FRMPD4: variants seen among roughly 807,000 people sequenced by gnomAD.
The protein encoded by FRMPD4 is FERM and PDZ domain containing 4.
A neutral mutation model predicts 94.1 loss-of-function variants in FRMPD4; 22 were observed. The ratio of observed to expected loss-of-function variants is 0.23; its 90% CI spans 0.17 to 0.33. The LOEUF (loss-of-function observed/expected upper bound fraction) is 0.33. FRMPD4 is among the 10% of genes least tolerant of loss of function. The pLI is 1.00. For missense variants in FRMPD4, 1,111 were observed against 1,339.9 expected (o/e 0.83, Z 2.67); for synonymous variants, 631 against 548.6 (o/e 1.15, Z -2.10).
intron 3 of FRMPD4, among the ~76,000 whole-genome samples, chrX:11,995,908 G>T (rs1420635329): frequency 1.8e-5 from 2 of 112,173 alleles, no homozygotes; most frequent in Non-Finnish European, 3.8e-5. Flanking sequence ...GCGTTAGGAC[G>T]TGGCTGAAAT....
chrX:12,016,661 T>C (rs1313537357), intron 3 of FRMPD4, among the ~76,000 whole-genome samples: 1 of 112,418 alleles, frequency 8.9e-6, no homozygotes, highest in Admixed American at 9.4e-5. Flanking sequence ...AAATAATTTT[T>C]CCATACTTAA....
intron 2 of FRMPD4, among the ~76,000 whole-genome samples, chrX:11,872,952 G>A (rs2053763081): frequency 8.9e-6 from 1 of 112,275 alleles, no homozygotes; most frequent in Admixed American, 9.4e-5. Context: ...ATATGGTGTA[G>A]CCACTGTGGA....
chrX:12,347,800 T>G (rs1190148345), intron 1 of FRMPD4, among the ~76,000 whole-genome samples: 1 of 111,738 alleles, frequency 8.9e-6, no homozygotes, highest in Non-Finnish European at 1.9e-5. Flanking sequence ...TTTTTAAATA[T>G]TACAGTGAAA....
At chrX:12,560,717 C>CCCTA (rs2058646690) in intron 2 of FRMPD4, among the ~76,000 whole-genome samples, 1 of 99,640 alleles carries the variant, frequency 1.0e-5, no homozygotes, top group Admixed American at 1.1e-4. Context: ...TAAGGGTTCT[C>CCCTA]CCTAGTGTAT....
intron 1 of FRMPD4, among the ~76,000 whole-genome samples, chrX:11,848,942 G>A (rs766311932): frequency 1.8e-5 from 2 of 111,527 alleles, no homozygotes; most frequent in Admixed American, 9.6e-5. Flanking sequence ...ATATAGTACT[G>A]GGAGTCCTAG....
At chrX:12,191,274 G>A (rs1338458603) in intron 1 of FRMPD4, among the ~76,000 whole-genome samples, 1 of 111,821 alleles carries the variant, frequency 8.9e-6, no homozygotes, top group Admixed American at 9.5e-5. Context: ...GGAGCAACAG[G>A]AACTTTCGTT....
At chrX:11,980,297 CCTT>C (rs1305870537) in intron 3 of FRMPD4, among the ~76,000 whole-genome samples, 1 of 111,230 alleles carries the variant, frequency 9.0e-6, no homozygotes, top group Non-Finnish European at 1.9e-5. Flanking sequence ...ACGTTTAAGG[CCTT>C]CTTTTTTCCT....
intron 3 of FRMPD4, among the ~76,000 whole-genome samples, chrX:12,611,784 G>A (rs1453124407): frequency 2.7e-5 from 3 of 111,318 alleles, no homozygotes; most frequent in Non-Finnish European, 5.7e-5. Flanking sequence ...ATTAAATGTA[G>A]ATCATATTTT....
intron 2 of FRMPD4, among the ~76,000 whole-genome samples, chrX:12,507,946 C>G (rs937666428): frequency 1.8e-5 from 2 of 111,681 alleles, no homozygotes; most frequent in African/African-American, 6.5e-5. Context: ...GGGAGGGGTA[C>G]AGAGGACAGG....
Position 12,193,752 on chromosome X carries a change from CAGAA to C in FRMPD4, c.41+54759_41+54762del, listed in dbSNP as rs775933381. 5.1e-3 allele frequency among the ~76,000 whole-genome samples: 84 copies of C among 16,491 alleles called. 7 individuals are homozygous for C. Among genetic ancestry groups the C allele is most frequent in the Non-Finnish European group, 5.6e-3 (62 of 11,027 alleles). The allele number at this position is 16,491 out of a possible 115,157, so 14.3% of individuals were successfully genotyped here. A position where few individuals can be genotyped will look rare whatever the true frequency, so the allele number is the denominator to read the frequency against. On this transcript the variant is annotated intron_variant, in intron 1 of 16. Transcript: ENST00000675598. ...AGGTCTGTGAATTATCCGAAAGAAACAGAAAGAAAGAAAGAAAGAAAGGAAGGAA... is the reference window on the plus strand; with the variant it reads ...AGGTCTGTGAATTATCCGAAAGAAACAGAAAGAAAGAAAGAAAGGAAGGAA...
intron 1 of FRMPD4, among the ~76,000 whole-genome samples, chrX:12,497,878 G>T (rs2057869197): frequency 9.0e-6 from 1 of 111,036 alleles, no homozygotes; most frequent in South Asian, 3.8e-4. Context: ...TTGGATGTTT[G>T]CTGCGGAAGA....
At chrX:11,965,215 C>T (rs932728770) in intron 3 of FRMPD4, among the ~76,000 whole-genome samples, 8 of 112,241 alleles carry the variant, frequency 7.1e-5, no homozygotes, top group African/African-American at 1.9e-4. Flanking sequence ...AGGCATTATT[C>T]TGCCTACCAC....
At position 12,561,494 on chromosome X, in the gene FRMPD4, C is replaced by T. The variant is rs188918386; in HGVS notation, c.159-48227C>T. Among the ~76,000 whole-genome samples the T allele has an allele frequency of 1.2e-4, 13 of 112,183 alleles. No homozygotes were observed. In the East Asian group the frequency reaches 3.6e-3, roughly 31 times the overall value. ...TGATTTTTAACACAACCACTTTGAA[C>T]ATATTTATGGACACTTATTCTATGA... On this transcript the variant is annotated intron_variant, in intron 2 of 16. Coordinates refer to ENST00000675598, the MANE Select transcript of FRMPD4 (RefSeq NM_001368397.1).
intron 3 of FRMPD4, among the ~76,000 whole-genome samples, chrX:12,031,785 C>T (rs2054693554): frequency 8.9e-6 from 1 of 111,780 alleles, no homozygotes; most frequent in Admixed American, 9.5e-5. Flanking sequence ...TAGAAAGCTC[C>T]CTCTGCTTTC....
At chrX:11,978,627 G>T (rs1445799280) in intron 3 of FRMPD4, among the ~76,000 whole-genome samples, 1 of 111,839 alleles carries the variant, frequency 8.9e-6, no homozygotes, top group Non-Finnish European at 1.9e-5. Context: ...GTAATGAAAT[G>T]GTTATTATGA....
Position 12,506,997 on chromosome X carries a change from G to T in FRMPD4, c.158+8201G>T, listed in dbSNP as rs866955820. ...AGTAACACAAGTAAGAAAGGATATGGCAGGGTTCCTTGGTCATTCATGTTT... is the reference window on the plus strand; with the variant it reads ...AGTAACACAAGTAAGAAAGGATATGTCAGGGTTCCTTGGTCATTCATGTTT... On this transcript the variant is annotated intron_variant, in intron 2 of 16. Transcript: ENST00000675598. Among the ~76,000 whole-genome samples the T allele has an allele frequency of 1.1e-4, 12 of 112,055 alleles. No homozygotes were observed. The South Asian group carries it at 1.1e-3, about 10-fold the overall frequency.
intron 3 of FRMPD4, among the ~76,000 whole-genome samples, chrX:12,012,370 C>T (rs764864192): frequency 5.4e-5 from 6 of 112,083 alleles, no homozygotes; most frequent in Non-Finnish European, 1.1e-4. Flanking sequence ...TATTTGTAGA[C>T]ATCCTTTACC....
chrX:12,326,916 C>T (rs12841397), intron 1 of FRMPD4, among the ~76,000 whole-genome samples: 6 of 110,907 alleles, frequency 5.4e-5, no homozygotes, highest in South Asian at 3.9e-4. Context: ...GAATTACGAT[C>T]GCACCACTGC....
intron 3 of FRMPD4, among the ~76,000 whole-genome samples, chrX:11,933,484 T>C (rs911951933): frequency 8.9e-6 from 1 of 112,472 alleles, no homozygotes; most frequent in Non-Finnish European, 1.9e-5. Context: ...ATGTGTGGAG[T>C]AGCAGTCAGC....
Sources: allele counts gnomAD v4.1 joint callset (sites outside exome capture counted in the v4.1 genomes callset), GRCh38; gene constraint gnomAD v4.1.1; transcripts MANE v1.5; gene names NCBI Gene and HGNC (gene_info 2026-07-23, HGNC 2026-07-21).